TRIP11: variants seen among roughly 807,000 people sequenced by gnomAD.
The protein encoded by TRIP11 is thyroid receptor-interacting protein 11.
A neutral mutation model predicts 223.1 loss-of-function variants in TRIP11; 148 were observed. The observed-to-expected ratio is 0.66, with a 90% CI of 0.58 to 0.76. TRIP11 has a LOEUF of 0.76. TRIP11 is among the 30% of genes least tolerant of loss of function. The probability of loss-of-function intolerance (pLI) is 0.00; values close to 1 mark genes in which losing one functional copy is unlikely to be tolerated. For synonymous variants in TRIP11, 762 were observed against 772.6 expected, an observed-to-expected ratio of 0.99 and a Z score of 0.23; for missense variants, 2,043 against 2,222.0, an observed-to-expected ratio of 0.92 and a Z score of 1.62.
In TRIP11 at chr14:92,039,540, C is replaced by A; in HGVS notation, c.139+7G>T. On this transcript the variant is annotated splice_region_variant and intron_variant, in intron 1 of 20. Coordinates refer to ENST00000267622, the MANE Select transcript of TRIP11 (RefSeq NM_004239.4). ...AAAGCCCTCCCTTCCCTCGCTCCAGCTGTTACCTTCCACTTCCTCCGTGCC... is the reference window on the plus strand; with the variant it reads ...AAAGCCCTCCCTTCCCTCGCTCCAGATGTTACCTTCCACTTCCTCCGTGCC... 1.9e-6 allele frequency: 3 copies of A among 1,613,604 alleles called. No individual in the cohort carries two copies. The highest frequency in any genetic ancestry group is 2.5e-6 in the Non-Finnish European group (3 of 1,179,852).
chr14:91,999,261 G>C lies in TRIP11; in HGVS notation c.4871C>G (p.Ser1624Cys). ...TTACCTTGCATTTTCCATTGCATTA[G>C]AGGATGAAACTAGCTTTTCCTCCAA... Reference protein sequence around the residue: ...TVLEEKLVSSSNAMENASHQA... With the variant: ...TVLEEKLVSSCNAMENASHQA... The change falls in exon 13 of 21, where the codon TCT becomes TGT. Residue 1624 changes from serine to cysteine, a missense_variant. Ser to Cys is a moderately radical substitution (Grantham distance 112, BLOSUM62 -1). Transcript: ENST00000267622. 1 of 1,613,588 alleles carries C rather than the reference G, an allele frequency of 6.2e-7. No homozygotes were observed.
rs1441798535 is a variant in TRIP11, at chr14:91,968,361, A to C, written c.*1312T>G. 4.9e-6 allele frequency: 1 copy of C among 204,992 alleles called. No individual in the cohort carries two copies. Among genetic ancestry groups the C allele is most frequent in the Non-Finnish European group, 1.0e-5 (1 of 100,362 alleles). The allele number at this position is 204,992 out of a possible 1,614,324, so 12.7% of individuals were successfully genotyped here. On this transcript the variant is annotated 3_prime_UTR_variant, in exon 21 of 21. Transcript: ENST00000267622. ...TTTTTTTTATGATGGGTTTATGAAAAATTAAAGAAATACTTTCTTAAGTTT... is the reference window on the plus strand; with the variant it reads ...TTTTTTTTATGATGGGTTTATGAAACATTAAAGAAATACTTTCTTAAGTTT...
rs2056762831 is a variant in TRIP11, at chr14:91,997,301, A to G, written c.4893-1786T>C. On this transcript the variant is annotated intron_variant, in intron 13 of 20. Transcript: ENST00000267622. Reference sequence around the variant, plus strand: ...TACAACAAGTATTTACTGAATAGCTATTAAACTCTGTGTAATATATGCTAT... The same window carrying G: ...TACAACAAGTATTTACTGAATAGCTGTTAAACTCTGTGTAATATATGCTAT... Among the ~76,000 whole-genome samples, 3 of 152,212 alleles carry G rather than the reference A, an allele frequency of 2.0e-5. No homozygotes were observed. In the South Asian group the frequency reaches 6.2e-4, roughly 31 times the overall value.
chr14:91,974,883 G>T, intron 18 of TRIP11, 140 bp from the exon 19 acceptor site: 1 of 757,134 alleles, frequency 1.3e-6, no homozygotes, highest in Non-Finnish European at 2.2e-6. Context: ...TACTGATAGA[G>T]TCTACAAATA....
chr14:92,023,477 CT>C (rs1595404631), intron 3 of TRIP11, among the ~76,000 whole-genome samples: 1 of 152,118 alleles, frequency 6.6e-6, no homozygotes, highest in East Asian at 1.9e-4. Context: ...TAAAACAAAG[CT>C]TGTGTTCAGT....
intron 16 of TRIP11, among the ~76,000 whole-genome samples, chr14:91,987,045 A>C (rs960537029): frequency 6.6e-6 from 1 of 152,224 alleles, no homozygotes; most frequent in African/African-American, 2.4e-5. Flanking sequence ...AATCTATAAA[A>C]TGGATAATAC....
At chr14:92,007,031 ATT>A (rs57448229) in intron 10 of TRIP11, among the ~76,000 whole-genome samples, 335 of 129,880 alleles carry the variant, frequency 2.6e-3, no homozygotes, top group African/African-American at 8.7e-3. Context: ...GGTAAATAGT[ATT>A]TTTTTTTTTT....
rs185067338 is a variant in TRIP11 at position 92,003,308 on chromosome 14, T to C, written c.4557+111A>G. On this transcript the variant is annotated intron_variant, in intron 11 of 20. Transcript: ENST00000267622. ...TGAATCACACCTTGAAATAAATATT[T>C]CTAAATGAACAAATGCACAGTCCCC... The C allele has an allele frequency of 7.2e-5, 102 of 1,422,514 alleles. 1 individual carries two copies. The African/African-American group carries it at 1.0e-3, about 15-fold the overall frequency. The allele number at this position is 1,422,514 out of a possible 1,614,324, so 88.1% of individuals were successfully genotyped here. A position where few individuals can be genotyped will look rare whatever the true frequency, so the allele number is the denominator to read the frequency against.
At chr14:92,011,109 G>C (rs1017569314) in intron 8 of TRIP11, 37 bp from the exon 9 acceptor site, 2 of 1,590,070 alleles carry the variant, frequency 1.3e-6, no homozygotes, top group Non-Finnish European at 1.7e-6. Flanking sequence ...CAGGTAACAA[G>C]AAATTTCCAG....
At chr14:91,980,974 A>AAATTTTAT (rs1182112544) in intron 16 of TRIP11, among the ~76,000 whole-genome samples, 13 of 144,264 alleles carry the variant, frequency 9.0e-5, no homozygotes, top group African/African-American at 3.3e-4. Flanking sequence ...TTTTAACATC[A>AAATTTTAT]AATTTTATAT....
intron 16 of TRIP11, among the ~76,000 whole-genome samples, chr14:91,985,394 T>C (rs1035739340): frequency 6.9e-6 from 1 of 145,134 alleles, no homozygotes; most frequent in African/African-American, 2.7e-5. Context: ...TCTTAATTCA[T>C]AAGCACAGAT....
intron 1 of TRIP11, among the ~76,000 whole-genome samples, 186 bp from the exon 2 acceptor site, chr14:92,033,439 C>T (rs897785076): frequency 6.6e-6 from 1 of 152,186 alleles, no homozygotes; most frequent in Non-Finnish European, 1.5e-5. Flanking sequence ...TCTTCATTGT[C>T]ATAAAAGTCA....
chr14:92,034,547 A>T (rs1327973425), intron 1 of TRIP11, among the ~76,000 whole-genome samples: 1 of 152,236 alleles, frequency 6.6e-6, no homozygotes, highest in Non-Finnish European at 1.5e-5. Context: ...GTGACCTATA[A>T]ACGAAGAAAA....
intron 3 of TRIP11, among the ~76,000 whole-genome samples, chr14:92,022,990 T>C (rs2057133402): frequency 6.6e-6 from 1 of 152,192 alleles, no homozygotes; most frequent in Admixed American, 6.5e-5. Flanking sequence ...TAATCATATA[T>C]TTCATCCTCG....
chr14:91,999,972 T>C lies in TRIP11; in HGVS notation c.4694A>G (p.Asn1565Ser), dbSNP rs1030592762. ...TCTTTTAAAGTGAAAGTATACCTCA[T>C]TCTGTAGGGCAGTATTTTCCATTTG... Reference protein sequence around the residue: ...QKQMENTALQNEVQRLRDKEF... With the variant: ...QKQMENTALQSEVQRLRDKEF... Residue 1565 changes from asparagine to serine, a missense_variant, in exon 12 of 21, where the codon AAT (asparagine) becomes AGT (serine). Physicochemically the swap from Asn to Ser is conservative, Grantham distance 46. Transcript: ENST00000267622. 6.2e-7 allele frequency: 1 copy of C among 1,613,826 alleles called. No homozygotes were observed. Among genetic ancestry groups the C allele is most frequent in the Non-Finnish European group, 8.5e-7 (1 of 1,179,926 alleles).
intron 16 of TRIP11, among the ~76,000 whole-genome samples, chr14:91,983,034 A>G (rs2056563586): frequency 6.6e-6 from 1 of 152,168 alleles, no homozygotes; most frequent in African/African-American, 2.4e-5. Context: ...CTCTGTCTAG[A>G]ACACTTTTCC....
Position 92,006,067 on chromosome 14 carries a change from T to C in TRIP11, c.1909A>G (p.Ser637Gly). 2 of 1,585,412 alleles carry C rather than the reference T, an allele frequency of 1.3e-6. No individual in the cohort carries two copies. Among genetic ancestry groups the C allele is most frequent in the Non-Finnish European group, 1.7e-6 (2 of 1,170,602 alleles). ...TTAAGTAAGGTATCCTTAAAATTAC[T>C]ATTAGAGTCTTGATTTAGAGACTGC... ...LMQSLNQDSNSNFKDTLLKER... is the reference protein window; with the variant it reads ...LMQSLNQDSNGNFKDTLLKER... Residue 637 changes from serine to glycine, a missense_variant, in exon 11 of 21, where the codon AGT (serine) becomes GGT (glycine). Coordinates refer to ENST00000267622, the MANE Select transcript of TRIP11 (RefSeq NM_004239.4).
chr14:92,004,508 T>C lies in TRIP11; in HGVS notation c.3468A>G (p.Arg1156=). The change falls in exon 11 of 21, where the codon AGA becomes AGG. Residue 1156 remains arginine, a synonymous_variant. Transcript: ENST00000267622. ...TACGTGATAAATTCTGAATAGTTTC[T>C]CTAAACATATCTTGGCCACTACTTT... ...RFESSGQDMF[R]ETIQNLSRII... 1 of 1,613,240 alleles carries C rather than the reference T, an allele frequency of 6.2e-7. No individual in the cohort carries two copies. Among genetic ancestry groups the C allele is most frequent in the Non-Finnish European group, 8.5e-7 (1 of 1,179,996 alleles).
chr14:91,992,563 T>C (rs2056687687), intron 15 of TRIP11, among the ~76,000 whole-genome samples: 1 of 152,184 alleles, frequency 6.6e-6, no homozygotes, highest in Non-Finnish European at 1.5e-5. Flanking sequence ...CCTCCACTAA[T>C]GTCAGGTAAA....
Sources: gnomAD v4.1 joint callset for allele counts (sites outside exome capture counted in the v4.1 genomes callset) on GRCh38, gnomAD v4.1.1 for gene constraint, MANE v1.5 for transcripts, NCBI Gene and HGNC (gene_info 2026-07-23, HGNC 2026-07-21) for gene names.